Variants in TAMM41 observed in about 807,000 individuals in gnomAD.
TAMM41 encodes the protein phosphatidate cytidylyltransferase, mitochondrial.
A neutral mutation model predicts 44.1 loss-of-function variants in TAMM41; 36 were observed. The observed-to-expected ratio is 0.82, with a 90% CI of 0.63 to 1.08. TAMM41 has a LOEUF of 1.08. Ranked by LOEUF, TAMM41 falls within the 50% of genes least tolerant of loss-of-function variation. TAMM41 has a pLI of 0.00. For synonymous variants in TAMM41, 164 were observed against 153.1 expected, an observed-to-expected ratio of 1.07 and a Z score of -0.53; for missense variants, 417 against 404.3, an observed-to-expected ratio of 1.03 and a Z score of -0.27.
At chr3:11,787,962 A>C (rs1315246526), downstream of TAMM41, among the ~76,000 whole-genome samples, 1 of 152,266 alleles carries the variant, frequency 6.6e-6, no homozygotes, top group Non-Finnish European at 1.5e-5. Context: ...AGGAAAAGGA[A>C]GAATACATCT....
chr3:11,761,165 CA>C, the TAMM41 span, among the ~76,000 whole-genome samples: 1,681 of 106,064 alleles, frequency 0.016, 26 homozygotes, highest in African/African-American at 0.037. Flanking sequence ...GACTCTGTCT[CA>C]AAAAAAAAAA....
the TAMM41 span, among the ~76,000 whole-genome samples, chr3:11,759,585 CA>C: frequency 0.78 from 118,311 of 151,762 alleles, 46,615 homozygotes; most frequent in African/African-American, 0.87. Flanking sequence ...AGCAATTGCT[CA>C]AATACATACC....
At chr3:11,770,432 A>G in the TAMM41 span, among the ~76,000 whole-genome samples, 3 of 152,312 alleles carry the variant, frequency 2.0e-5, no homozygotes, top group South Asian at 2.1e-4. Flanking sequence ...GGCAGTTTCG[A>G]TCACTGGCTC....
chr3:11,770,904 T>A, the TAMM41 span, among the ~76,000 whole-genome samples: 2 of 152,304 alleles, frequency 1.3e-5, no homozygotes, highest in South Asian at 2.1e-4. Flanking sequence ...CCCAGAGGGC[T>A]GGAGGGCCAG....
chr3:11,751,444 G>A, the TAMM41 span, among the ~76,000 whole-genome samples: 2 of 152,172 alleles, frequency 1.3e-5, no homozygotes, highest in Non-Finnish European at 2.9e-5. Flanking sequence ...CCTTAGCTCT[G>A]ATTTGGCCCC....
At chr3:11,797,305 A>G (rs576014506) in intron 7 of TAMM41, among the ~76,000 whole-genome samples, 3 of 152,162 alleles carry the variant, frequency 2.0e-5, no homozygotes, top group Non-Finnish European at 4.4e-5. Flanking sequence ...AGACACATAG[A>G]CCAATGGAAC....
chr3:11,830,723 TAG>T (rs1450430400), intron 3 of TAMM41: 1 of 151,916 alleles, frequency 6.6e-6, no homozygotes, highest in Non-Finnish European at 1.5e-5. Context: ...AACAAACACC[TAG>T]CCAGGCACAG....
At chr3:11,743,020 C>G in the TAMM41 span, among the ~76,000 whole-genome samples, 627 of 151,960 alleles carry the variant, frequency 4.1e-3, 3 homozygotes, top group African/African-American at 0.014. Flanking sequence ...GGAGTGTAGG[C>G]CCCCCCAACC....
chr3:11,734,878 CAA>C, the TAMM41 span, among the ~76,000 whole-genome samples: 2,945 of 73,232 alleles, frequency 0.04, 49 homozygotes, highest in Non-Finnish European at 0.056. Flanking sequence ...TACTAAAATA[CAA>C]AAAAAAAAAA....
chr3:11,844,324 G>C, intron 1 of TAMM41, 113 bp from the exon 2 acceptor site: 2 of 978,662 alleles, frequency 2.0e-6, no homozygotes, highest in Non-Finnish European at 2.9e-6. Context: ...CAGAAGGCCT[G>C]GTGCTGTCAT....
intron 7 of TAMM41, 26 bp from the exon 8 acceptor site, chr3:11,790,607 A>C (rs1354808513): frequency 4.4e-6 from 7 of 1,585,878 alleles, no homozygotes; most frequent in Non-Finnish European, 6.1e-6. Flanking sequence ...TGAGAAAGTA[A>C]GAAGATGGAG....
intron 2 of TAMM41, among the ~76,000 whole-genome samples, chr3:11,841,521 T>C (rs866857699): frequency 6.6e-6 from 1 of 152,184 alleles, no homozygotes; most frequent in Non-Finnish European, 1.5e-5. Flanking sequence ...GCTGCAAATA[T>C]ATAAAAAGCA....
intron 2 of TAMM41, among the ~76,000 whole-genome samples, chr3:11,840,817 A>T (rs1399923505): frequency 6.6e-6 from 1 of 152,112 alleles, no homozygotes; most frequent in Non-Finnish European, 1.5e-5. Flanking sequence ...ACAACAAATG[A>T]CATGCTCAAG....
the TAMM41 span, among the ~76,000 whole-genome samples, chr3:11,734,954 C>A: frequency 6.7e-6 from 1 of 148,780 alleles, no homozygotes; most frequent in Non-Finnish European, 1.5e-5. Context: ...GGGGCTGAGG[C>A]AGGAGAATTG....
chr3:11,771,828 C>T, the TAMM41 span, among the ~76,000 whole-genome samples: 1 of 152,138 alleles, frequency 6.6e-6, no homozygotes, highest in Non-Finnish European at 1.5e-5. Flanking sequence ...GGTGATCGAC[C>T]CACCTCGGCC....
chr3:11,823,369 C>T (rs188792098), intron 4 of TAMM41, among the ~76,000 whole-genome samples: 18 of 150,962 alleles, frequency 1.2e-4, no homozygotes, highest in African/African-American at 4.1e-4. Context: ...TATTCTCCTG[C>T]CTCAGCTTCC....
At chr3:11,772,216 G>A in the TAMM41 span, among the ~76,000 whole-genome samples, 2 of 149,594 alleles carry the variant, frequency 1.3e-5, no homozygotes, top group South Asian at 2.1e-4. Flanking sequence ...GACTACAGGC[G>A]CCTGCCACCA....
chr3:11,759,984 GAAA>G, the TAMM41 span, among the ~76,000 whole-genome samples: 16 of 142,650 alleles, frequency 1.1e-4, no homozygotes, highest in South Asian at 2.3e-4. Context: ...CAAAAAAAAA[GAAA>G]AAAGAAGAAG....
chr3:11,750,388 A>G, the TAMM41 span, among the ~76,000 whole-genome samples: 19 of 151,872 alleles, frequency 1.3e-4, no homozygotes, highest in Admixed American at 1.2e-3. Context: ...CACTGACTGT[A>G]GCCTCGAACT....
Sources: gnomAD v4.1 joint callset for allele counts (sites outside exome capture counted in the v4.1 genomes callset) on GRCh38, gnomAD v4.1.1 for gene constraint, MANE v1.5 for transcripts, NCBI Gene and HGNC (gene_info 2026-07-23, HGNC 2026-07-21) for gene names.